Variants in SV2C observed in about 807,000 individuals in gnomAD.
SV2C encodes solute carrier family 22 member B3.
Under a neutral mutation model 79.7 loss-of-function variants are expected in SV2C, and 49 were observed. The observed-to-expected ratio is 0.61, with a 90% CI of 0.49 to 0.78. SV2C has a LOEUF of 0.78. Ranked by LOEUF, SV2C falls within the 30% of genes least tolerant of loss-of-function variation. SV2C has a pLI of 0.00. For synonymous variants in SV2C, 334 were observed against 333.2 expected (o/e 1.00, Z -0.03); for missense variants, 833 against 912.9 (o/e 0.91, Z 1.13).
chr5:76,348,413 G>A (rs1269806782), intron 12 of SV2C, among the ~76,000 whole-genome samples: 1 of 152,150 alleles, frequency 6.6e-6, no homozygotes, highest in African/African-American at 2.4e-5. Flanking sequence ...CCATATGCAA[G>A]TTTTTGTATG....
intron 4 of SV2C, among the ~76,000 whole-genome samples, chr5:76,233,764 C>G (rs1353690559): frequency 3.4e-5 from 5 of 149,050 alleles, no homozygotes; most frequent in Admixed American, 1.3e-4. Context: ...GTATATTGAA[C>G]CAGCCTTGCA....
intron 4 of SV2C, among the ~76,000 whole-genome samples, chr5:76,273,680 A>T (rs1420583375): frequency 6.6e-6 from 1 of 151,948 alleles, no homozygotes; most frequent in Non-Finnish European, 1.5e-5. Flanking sequence ...AAATAGAAAA[A>T]CTCGCAGGAA....
At chr5:76,295,659 A>G (rs1747727761) in intron 8 of SV2C, 119 bp from the exon 9 acceptor site, 2 of 915,380 alleles carry the variant, frequency 2.2e-6, no homozygotes, top group African/African-American at 3.4e-5. Context: ...ATTACTCATA[A>G]TGTTATAGGG....
At chr5:76,156,322 G>A (rs1742727233) in intron 2 of SV2C, among the ~76,000 whole-genome samples, 1 of 152,136 alleles carries the variant, frequency 6.6e-6, no homozygotes, top group Non-Finnish European at 1.5e-5. Context: ...TAACATCAGA[G>A]GCTTCATTCT....
chr5:76,145,318 C>T (rs545349449), intron 2 of SV2C, among the ~76,000 whole-genome samples: 100 of 152,286 alleles, frequency 6.6e-4, no homozygotes, highest in African/African-American at 2.4e-3. Flanking sequence ...TACCTTTCTT[C>T]TAAGAGACTA....
At chr5:75,940,603 T>C in the SV2C span, among the ~76,000 whole-genome samples, 1 of 152,176 alleles carries the variant, frequency 6.6e-6, no homozygotes, top group Non-Finnish European at 1.5e-5. Context: ...TCACACTTGA[T>C]TTACTTCTTA....
intron 12 of SV2C, among the ~76,000 whole-genome samples, chr5:76,352,532 TCTTG>T (rs1381055416): frequency 6.6e-6 from 1 of 152,232 alleles, no homozygotes; most frequent in African/African-American, 2.4e-5. Flanking sequence ...TCTTGGACTT[TCTTG>T]CTTTTCTTCT....
the SV2C span, among the ~76,000 whole-genome samples, chr5:75,897,249 G>A: frequency 4.7e-4 from 72 of 151,622 alleles, no homozygotes; most frequent in Non-Finnish European, 5.4e-4. Context: ...TTTGTATAAG[G>A]TGTAAGGAAG....
chr5:76,264,572 A>C (rs912002913), intron 4 of SV2C, among the ~76,000 whole-genome samples: 1 of 152,094 alleles, frequency 6.6e-6, no homozygotes, highest in Admixed American at 6.5e-5. Context: ...TCATGGATTT[A>C]TCTACCTTTA....
chr5:76,046,816 G>T, the SV2C span, among the ~76,000 whole-genome samples: 1 of 152,236 alleles, frequency 6.6e-6, no homozygotes, highest in South Asian at 2.1e-4. Flanking sequence ...AACTCCTCAG[G>T]TCTTAGGGGA....
chr5:75,952,128 A>T, the SV2C span, among the ~76,000 whole-genome samples: 1 of 152,010 alleles, frequency 6.6e-6, no homozygotes, highest in African/African-American at 2.4e-5. Flanking sequence ...TTAATATTCT[A>T]ACTTATTTTT....
At chr5:76,020,793 T>G in the SV2C span, among the ~76,000 whole-genome samples, 1 of 152,170 alleles carries the variant, frequency 6.6e-6, no homozygotes, top group Admixed American at 6.5e-5. Flanking sequence ...TGGGACAAGA[T>G]GGGTTAAGAA....
Position 76,285,822 on chromosome 5 carries a change from T to C in SV2C, c.1089T>C (p.Ile363=), listed in dbSNP as rs2112496740. The C allele has an allele frequency of 3.1e-6, 5 of 1,614,122 alleles. No individual in the cohort carries two copies. Residue 363 remains isoleucine (I), a synonymous_variant, in exon 6 of 13, where the codon ATT becomes ATC. Transcript: ENST00000502798. ...AAGCTTGGATGATTCTGAAGTTAAT[T>C]CATGACACCAACATGAGAGCCCGGG... The part of the protein sequence containing the change: ...HDEAWMILKL[I]HDTNMRARGQ...
chr5:76,113,003 G>C (rs1748142318), intron 1 of SV2C, among the ~76,000 whole-genome samples: 3 of 152,194 alleles, frequency 2.0e-5, no homozygotes, highest in Admixed American at 2.0e-4. Flanking sequence ...AGTTGAAGAA[G>C]GCATTGGAAT....
chr5:76,309,472 C>T (rs1044650754), intron 12 of SV2C, among the ~76,000 whole-genome samples: 3 of 151,724 alleles, frequency 2.0e-5, no homozygotes, highest in Admixed American at 6.6e-5. Context: ...TCGTGGCTGG[C>T]GCCTGTAGTC....
At chr5:76,235,111 T>C (rs1322672315) in intron 4 of SV2C, among the ~76,000 whole-genome samples, 1 of 151,186 alleles carries the variant, frequency 6.6e-6, no homozygotes, top group Non-Finnish European at 1.5e-5. Flanking sequence ...TGATTTGCTT[T>C]AAGTGATTTT....
At position 76,327,455 on chromosome 5, in the gene SV2C, A is replaced by G. The variant is rs1219648842; in HGVS notation, c.*1908A>G. 1 of 152,222 alleles carries G rather than the reference A, an allele frequency of 6.6e-6. No individual in the cohort carries two copies. The highest frequency in any genetic ancestry group is 2.4e-5 in the African/African-American group (1 of 41,468). The allele number at this position is 152,222 out of a possible 1,614,324, so 9.4% of individuals were successfully genotyped here. A position where few individuals can be genotyped will look rare whatever the true frequency, so the allele number is the denominator to read the frequency against. On this transcript the variant is annotated 3_prime_UTR_variant, in exon 13 of 13. Transcript: ENST00000502798. ...CAACTTTCTCTCACTTCTGCCTCCT[A>G]TCATTTTATTGGAGAACAAAGACAG...
chr5:75,900,316 C>T, the SV2C span, among the ~76,000 whole-genome samples: 16 of 152,162 alleles, frequency 1.1e-4, no homozygotes, highest in Admixed American at 6.5e-4. Context: ...TTCTCCTTCA[C>T]TTATGAAGCT....
chr5:76,131,677 G>A lies in SV2C; in HGVS notation c.-74G>A. On this transcript the variant is annotated 5_prime_UTR_variant, in exon 2 of 13. The change abolishes an upstream ATG in the 5' untranslated region. Transcript: ENST00000502798. ...CTGTTTTGAACCCAAAGTGGATGAT[G>A]CTGTCAGAGCTGAACCACTGAAAGG... 7.8e-7 allele frequency: 1 copy of A among 1,276,946 alleles called. No homozygotes were observed. Among genetic ancestry groups the A allele is most frequent in the Non-Finnish European group, 1.1e-6 (1 of 926,596 alleles). 79.1% of individuals were successfully genotyped at this position (1,276,946 alleles called of 1,614,324 possible). A position where few individuals can be genotyped will look rare whatever the true frequency, so the allele number is the denominator to read the frequency against.
Sources: allele counts gnomAD v4.1 joint callset (sites outside exome capture counted in the v4.1 genomes callset), GRCh38; gene constraint gnomAD v4.1.1; transcripts MANE v1.5; gene names NCBI Gene and HGNC (gene_info 2026-07-23, HGNC 2026-07-21).